The following GATAD2B variants were observed in gnomAD, a reference collection of about 807,000 sequenced individuals.
GATAD2B encodes GATA zinc finger domain containing 2B, also known as transcriptional repressor p66-beta.
Under a neutral mutation model 64.3 loss-of-function variants are expected in GATAD2B, and 8 were observed. The ratio of observed to expected loss-of-function variants is 0.12; its 90% CI spans 0.07 to 0.22. The LOEUF (loss-of-function observed/expected upper bound fraction) is 0.22, where lower values mean the gene tolerates loss of function less well. GATAD2B is among the 10% of genes least tolerant of loss of function. The probability of loss-of-function intolerance (pLI) is 1.00; values close to 1 mark genes in which losing one functional copy is unlikely to be tolerated. For missense variants in GATAD2B, 453 were observed against 752.0 expected (o/e 0.60, Z 4.65); for synonymous variants, 281 against 271.3 (o/e 1.04, Z -0.35).
intron 1 of GATAD2B, among the ~76,000 whole-genome samples, chr1:153,839,590 G>T (rs1173466730): frequency 2.6e-5 from 4 of 152,174 alleles, no homozygotes; most frequent in African/African-American, 9.7e-5. Flanking sequence ...TCATAAGATG[G>T]TTATGTTACT....
intron 1 of GATAD2B, among the ~76,000 whole-genome samples, chr1:153,918,948 T>C (rs1248006410): frequency 1.3e-5 from 2 of 148,748 alleles, no homozygotes; most frequent in Admixed American, 6.7e-5. Flanking sequence ...CAAAACTCCA[T>C]CTCAAAAAAT....
intron 1 of GATAD2B, among the ~76,000 whole-genome samples, chr1:153,893,653 C>T (rs1409511735): frequency 2.6e-5 from 4 of 151,266 alleles, no homozygotes; most frequent in African/African-American, 7.3e-5. Context: ...CTAAGTAAAA[C>T]TGAACTTTTA....
intron 1 of GATAD2B, among the ~76,000 whole-genome samples, chr1:153,849,022 T>G (rs1433318029): frequency 1.4e-5 from 2 of 147,068 alleles, no homozygotes; most frequent in African/African-American, 4.9e-5. Flanking sequence ...TATGTGGGTG[T>G]GTGTGTTCTG....
chr1:153,815,739 T>G lies in GATAD2B; in HGVS notation c.1216+534A>C, dbSNP rs372464334. Among the ~76,000 whole-genome samples the G allele has an allele frequency of 1.2e-3, 188 of 152,180 alleles. 1 individual carries two copies. Among genetic ancestry groups the G allele is most frequent in the African/African-American group, 4.3e-3 (180 of 41,538 alleles). ...ATAGATGATAGATTAGATAGATAGA[T>G]AGATACATAGGCAGGCTGGCCCCGG... On this transcript the variant is annotated intron_variant, in intron 7 of 10. Transcript: ENST00000368655.
At chr1:153,898,003 A>C (rs1030993198) in intron 1 of GATAD2B, among the ~76,000 whole-genome samples, 1 of 135,940 alleles carries the variant, frequency 7.4e-6, no homozygotes, top group African/African-American at 2.6e-5. Context: ...AAAAAAAAAA[A>C]CAAAAAAAAA....
Position 153,870,696 on chromosome 1 carries a change from A to G in GATAD2B, c.-1-42348T>C, listed in dbSNP as rs945242566. Among the ~76,000 whole-genome samples, 4 of 152,196 alleles carry G rather than the reference A, an allele frequency of 2.6e-5. No homozygotes were observed. In the South Asian group the frequency reaches 6.2e-4, roughly 24 times the overall value. On this transcript the variant is annotated intron_variant, in intron 1 of 10. Transcript: ENST00000368655. ...GTTGTTATAAAATGACCTTCAAGCT[A>G]TATGTTTAAGGTATATATGAAACAA... is the stretch of plus-strand genomic sequence containing the variant.
At position 153,920,760 on chromosome 1, in the gene GATAD2B, A is replaced by G. The variant is rs1364776033; in HGVS notation, c.-2+1973T>C. 6.6e-5 allele frequency among the ~76,000 whole-genome samples: 10 copies of G among 152,226 alleles called. No homozygotes were observed. The East Asian group carries it at 1.7e-3, about 26-fold the overall frequency. On this transcript the variant is annotated intron_variant, in intron 1 of 10. Coordinates refer to ENST00000368655, the MANE Select transcript of GATAD2B (RefSeq NM_020699.4). Reference sequence around the variant, plus strand: ...CACCTCTACTCAAACTGGGTCACTCAGCCTATAGATTCAGCCTTCTGATTC... The same window carrying G: ...CACCTCTACTCAAACTGGGTCACTCGGCCTATAGATTCAGCCTTCTGATTC...
chr1:153,840,817 T>C (rs1675459724), intron 1 of GATAD2B, among the ~76,000 whole-genome samples: 1 of 152,138 alleles, frequency 6.6e-6, no homozygotes, highest in Non-Finnish European at 1.5e-5. Context: ...ATTGTTCTTA[T>C]TATAAAATAT....
chr1:153,844,421 T>TAA (rs764420139), intron 1 of GATAD2B, among the ~76,000 whole-genome samples: 41 of 80,270 alleles, frequency 5.1e-4, no homozygotes, highest in African/African-American at 2.0e-3. Context: ...TAACAAATTA[T>TAA]AAAAAAAAAA....
Position 153,806,428 on chromosome 1 carries a change from G to C in GATAD2B, c.*3749C>G, listed in dbSNP as rs910872537. ...TCTAAGGAGGGATGGGGTTGGAGCAGCTGCCAGTCTCAGTGTGCTGGGCCC... is the reference window on the plus strand; with the variant it reads ...TCTAAGGAGGGATGGGGTTGGAGCACCTGCCAGTCTCAGTGTGCTGGGCCC... On this transcript the variant is annotated 3_prime_UTR_variant, in exon 11 of 11. Transcript: ENST00000368655. 6.6e-6 allele frequency: 1 copy of C among 152,126 alleles called. No individual in the cohort carries two copies. The highest frequency in any genetic ancestry group is 2.4e-5 in the African/African-American group (1 of 41,390). The allele number at this position is 152,126 out of a possible 1,614,324, so 9.4% of individuals were successfully genotyped here.
At chr1:153,895,259 G>C (rs1318012263) in intron 1 of GATAD2B, among the ~76,000 whole-genome samples, 4 of 152,082 alleles carry the variant, frequency 2.6e-5, no homozygotes, top group Non-Finnish European at 5.9e-5. Flanking sequence ...AGGTGAACCT[G>C]GGAGGCAGAG....
Position 153,816,431 on chromosome 1 carries a change from T to C in GATAD2B, c.1058A>G (p.Lys353Arg), listed in dbSNP as rs1262597421. ...TDAANSQAAAKLALRKQLEKT... is the reference protein window; with the variant it reads ...TDAANSQAAARLALRKQLEKT... ...TTCCAGCTGTTTGCGAAGAGCCAATTTGGCTGCAGCCTGTGAGTTGGCAGC... is the reference window on the plus strand; with the variant it reads ...TTCCAGCTGTTTGCGAAGAGCCAATCTGGCTGCAGCCTGTGAGTTGGCAGC... Residue 353 changes from lysine to arginine, a missense_variant, in exon 7 of 11, where the codon AAA becomes AGA. By Grantham distance (26) the Lys-to-Arg change is conservative. Around this residue, in one of 2 missense-constraint regions of GATAD2B, gnomAD observed 160 missense variants for 334.7 expected, o/e 0.48. Coordinates refer to ENST00000368655, the MANE Select transcript of GATAD2B (RefSeq NM_020699.4). The surrounding 1 kb of genome is among the most constrained non-coding windows in gnomAD (Gnocchi z 4.9). The C allele has an allele frequency of 6.2e-7, 1 of 1,614,208 alleles. No homozygotes were observed. The highest frequency in any genetic ancestry group is 1.1e-5 in the South Asian group (1 of 91,090).
intron 4 of GATAD2B, 69 bp from the exon 5 acceptor site, chr1:153,818,240 CTT>C (rs1366109964): frequency 7.1e-7 from 1 of 1,401,974 alleles, no homozygotes; most frequent in African/African-American, 1.5e-5. Context: ...CATTTCTAGA[CTT>C]TAAAAATTCC....
intron 1 of GATAD2B, among the ~76,000 whole-genome samples, chr1:153,921,500 G>C (rs1239404644): frequency 2.0e-5 from 3 of 152,174 alleles, no homozygotes; most frequent in Non-Finnish European, 4.4e-5. Context: ...AGTCTGGCCT[G>C]AAAACACTGC....
chr1:153,850,933 GTTT>G (rs552346925), intron 1 of GATAD2B, among the ~76,000 whole-genome samples: 1 of 150,340 alleles, frequency 6.7e-6, no homozygotes, highest in African/African-American at 2.5e-5. Flanking sequence ...AAAAAAAAAA[GTTT>G]TTTTTTGTTT....
rs1382363467 is a variant in GATAD2B, at chr1:153,816,349, C to T, written c.1140G>A (p.Leu380=). ...TGAACTCGCTATTGGCTGCACTAGGCAAGAAATGAAGTAAGGGAGCAGGAG... is the reference window on the plus strand; with the variant it reads ...TGAACTCGCTATTGGCTGCACTAGGTAAGAAATGAAGTAAGGGAGCAGGAG... ...PKPPAPLLHF[L]PSAANSEFIY... Residue 380 remains leucine, a synonymous_variant, in exon 7 of 11, where the codon TTG becomes TTA. Coordinates refer to ENST00000368655, the MANE Select transcript of GATAD2B (RefSeq NM_020699.4). This position sits in a 1 kb window ranked among gnomAD's most constrained non-coding sequence, Gnocchi z 4.9. 6.2e-7 allele frequency: 1 copy of T among 1,613,866 alleles called. No individual in the cohort carries two copies. Among genetic ancestry groups the T allele is most frequent in the Non-Finnish European group, 8.5e-7 (1 of 1,179,770 alleles).
intron 1 of GATAD2B, among the ~76,000 whole-genome samples, chr1:153,909,590 A>G (rs1273507070): frequency 6.6e-6 from 1 of 151,496 alleles, no homozygotes; most frequent in Non-Finnish European, 1.5e-5. Context: ...TCACAAGTCA[A>G]AAGATCAAGA....
At chr1:153,880,544 T>A (rs1676979214) in intron 1 of GATAD2B, among the ~76,000 whole-genome samples, 1 of 152,070 alleles carries the variant, frequency 6.6e-6, no homozygotes, top group Non-Finnish European at 1.5e-5. Flanking sequence ...CCCCTAAGTA[T>A]CTTAACAAAC....
intron 2 of GATAD2B, among the ~76,000 whole-genome samples, chr1:153,823,739 T>G (rs1398420930): frequency 1.4e-5 from 2 of 147,944 alleles, no homozygotes; most frequent in South Asian, 2.1e-4. Flanking sequence ...TTTTTGTTTG[T>G]TTTTTTTTTG....
Sources: allele counts gnomAD v4.1 joint callset (sites outside exome capture counted in the v4.1 genomes callset), GRCh38; gene constraint gnomAD v4.1.1; regional missense constraint gnomAD v4.1.1; non-coding constraint Gnocchi (gnomAD v3.1); transcripts MANE v1.5; gene names NCBI Gene and HGNC (gene_info 2026-07-23, HGNC 2026-07-21).